Variants in MORN4 observed in about 807,000 individuals in gnomAD.
MORN4 encodes MORN repeat-containing protein 4.
MORN4 carries 8 observed loss-of-function variants against 16.4 expected under a neutral mutation model. The ratio of observed to expected loss-of-function variants is 0.49; its 90% CI spans 0.29 to 0.88. The LOEUF is 0.88. Among genes scored for constraint, MORN4 ranks in the 40% least tolerant of loss-of-function variants. The pLI is 0.09. For missense variants in MORN4, 159 were observed against 182.9 expected, an observed-to-expected ratio of 0.87 and a Z score of 0.75; for synonymous variants, 53 against 68.9, an observed-to-expected ratio of 0.77 and a Z score of 1.14.
At chr10:97,628,107 T>C (rs1474934531) in intron 1 of MORN4, among the ~76,000 whole-genome samples, 1 of 152,256 alleles carries the variant, frequency 6.6e-6, no homozygotes, top group Non-Finnish European at 1.5e-5. Flanking sequence ...CAGCTTATGG[T>C]TGAAGTTTCA....
Position 97,616,753 on chromosome 10 carries a change from C to A in MORN4, c.217G>T (p.Gly73Cys). The change falls in exon 4 of 5, where the codon GGC (glycine) becomes TGC (cysteine). Residue 73 changes from glycine (G) to cysteine (C), a missense_variant. Gly to Cys is a radical substitution (Grantham distance 159). Coordinates refer to ENST00000307450, the MANE Select transcript of MORN4 (RefSeq NM_178832.4). ...EGEFAQGKFN[G>C]VGVFIRYDNM... is the part of the protein sequence containing the mutation. Reference sequence around the variant, plus strand: ...TCATATCGAATGAAGACTCCGACGCCATTAAACTTGCCCTGGGCAAACTCC... The same window carrying A: ...TCATATCGAATGAAGACTCCGACGCAATTAAACTTGCCCTGGGCAAACTCC... The A allele has an allele frequency of 6.2e-7, 1 of 1,614,120 alleles. No individual in the cohort carries two copies. Among genetic ancestry groups the A allele is most frequent in the Non-Finnish European group, 8.5e-7 (1 of 1,179,992 alleles).
In MORN4 at chr10:97,629,836, G is replaced by T. The variant is rs183009203; in HGVS notation, c.-31+3511C>A. Among the ~76,000 whole-genome samples, 416 of 151,726 alleles carry T rather than the reference G, an allele frequency of 2.7e-3. 3 individuals are homozygous for T. Among genetic ancestry groups the T allele is most frequent in the African/African-American group, 9.7e-3 (402 of 41,350 alleles). ...TACAGTGGTGTGATCTCGGCTCACT[G>T]CAAGCTCCGCCTCCCGGGTTCAAGC... is the stretch of plus-strand genomic sequence containing the variant. On this transcript the variant is annotated intron_variant, in intron 1 of 4. Transcript: ENST00000307450.
At position 97,615,739 on chromosome 10, in the gene MORN4, A is replaced by G. The variant is rs2041231365; in HGVS notation, c.*524T>C. The G allele has an allele frequency of 6.6e-6, 1 of 151,084 alleles. No individual in the cohort carries two copies. The highest frequency in any genetic ancestry group is 1.5e-5 in the Non-Finnish European group (1 of 67,778). The allele number at this position is 151,084 out of a possible 1,614,324, so 9.4% of individuals were successfully genotyped here. A position where few individuals can be genotyped will look rare whatever the true frequency, so the allele number is the denominator to read the frequency against. ...CTCCATCTCAAAAATAAAAAATAAA[A>G]TAATAATAATAATAATAAAAAAATT... On this transcript the variant is annotated 3_prime_UTR_variant, in exon 5 of 5. Transcript: ENST00000307450.
chr10:97,621,862 C>CT (rs2041297633), intron 1 of MORN4, among the ~76,000 whole-genome samples: 1 of 149,934 alleles, frequency 6.7e-6, no homozygotes. Context: ...GAGGCTCTGT[C>CT]TAAAAAAAAA....
intron 1 of MORN4, among the ~76,000 whole-genome samples, chr10:97,626,092 AC>A (rs1180153291): frequency 6.8e-6 from 1 of 146,510 alleles, no homozygotes; most frequent in Non-Finnish European, 1.5e-5. Context: ...TTTAAAGAGA[AC>A]AAGCGGGCTG....
At chr10:97,624,418 T>G (rs2041330890) in intron 1 of MORN4, among the ~76,000 whole-genome samples, 1 of 152,136 alleles carries the variant, frequency 6.6e-6, no homozygotes, top group Non-Finnish European at 1.5e-5. Flanking sequence ...GTTGTTTATT[T>G]GTTTTGTTTT....
Position 97,616,394 on chromosome 10 carries a change from C to T in MORN4, c.310G>A (p.Asp104Asn), listed in dbSNP as rs376634101. The change falls in exon 5 of 5, where the codon GAT (aspartate) becomes AAT (asparagine). Residue 104 changes from aspartate (D) to asparagine (N), a missense_variant. Transcript: ENST00000307450. Reference sequence around the variant, plus strand: ...TTGCGGGGGATTCCATGAGAACCATCAGGGAAAGTCAGCAGGCCTTTGAGG... The same window carrying T: ...TTGCGGGGGATTCCATGAGAACCATTAGGGAAAGTCAGCAGGCCTTTGAGG... Reference protein sequence around the residue: ...VDGFGLLTFPDGSHGIPRNEG... With the variant: ...VDGFGLLTFPNGSHGIPRNEG... The T allele has an allele frequency of 1.4e-5, 23 of 1,605,158 alleles. No homozygotes were observed. In the African/African-American group the frequency reaches 2.0e-4, roughly 14 times the overall value.
chr10:97,626,545 T>A (rs866664748), intron 1 of MORN4, among the ~76,000 whole-genome samples: 12 of 149,986 alleles, frequency 8.0e-5, no homozygotes, highest in Non-Finnish European at 1.6e-4. Flanking sequence ...AACCTCCACC[T>A]CCCGAGTTCA....
At position 97,617,199 on chromosome 10, in the gene MORN4, C is replaced by T; in HGVS notation, c.182+9G>A. On this transcript the variant is annotated intron_variant, in intron 3 of 4. Transcript: ENST00000307450. ...TTTAAGGCTAAGAAAGGAATGACCT[C>T]ATACCCACCTTGAACCATCTGAGAA... 6.2e-7 allele frequency: 1 copy of T among 1,605,506 alleles called. No homozygotes were observed. Among genetic ancestry groups the T allele is most frequent in the Non-Finnish European group, 8.5e-7 (1 of 1,172,148 alleles).
rs764134880 is a variant in MORN4 at position 97,619,659 on chromosome 10, C to T, written c.-6G>A. On this transcript the variant is annotated 5_prime_UTR_variant, in exon 2 of 5. Coordinates refer to ENST00000307450, the MANE Select transcript of MORN4 (RefSeq NM_178832.4). ...GAACCTTTTGTCAGGGTCATGGTGACAGATTACAGGATAAAAGGATGAAAC... is the reference window on the plus strand; with the variant it reads ...GAACCTTTTGTCAGGGTCATGGTGATAGATTACAGGATAAAAGGATGAAAC... The T allele has an allele frequency of 9.9e-6, 16 of 1,613,688 alleles. No homozygotes were observed. In the African/African-American group the frequency reaches 2.0e-4, roughly 20 times the overall value.
At position 97,616,153 on chromosome 10, in the gene MORN4, C is replaced by T. The variant is rs1264730168; in HGVS notation, c.*110G>A. The T allele has an allele frequency of 1.7e-6, 2 of 1,183,356 alleles. No homozygotes were observed. Among genetic ancestry groups the T allele is most frequent in the Non-Finnish European group, 2.3e-6 (2 of 866,964 alleles). The allele number at this position is 1,183,356 out of a possible 1,614,324, so 73.3% of individuals were successfully genotyped here. A position where few individuals can be genotyped will look rare whatever the true frequency, so the allele number is the denominator to read the frequency against. ...TGACAGGGCACATACAAGGCCTCTG[C>T]TCCACTGTCATTGTCAACTCATCTC... On this transcript the variant is annotated 3_prime_UTR_variant, in exon 5 of 5. Coordinates refer to ENST00000307450, the MANE Select transcript of MORN4 (RefSeq NM_178832.4).
intron 1 of MORN4, among the ~76,000 whole-genome samples, chr10:97,627,395 C>T (rs10882969): frequency 0.18 from 27,319 of 151,740 alleles, 2,581 homozygotes; most frequent in Non-Finnish European, 0.21. Flanking sequence ...CTGCCCACCT[C>T]GGCCTCCCAA....
intron 1 of MORN4, among the ~76,000 whole-genome samples, chr10:97,621,499 T>C (rs1004903258): frequency 2.0e-5 from 3 of 152,178 alleles, no homozygotes; most frequent in African/African-American, 7.2e-5. Flanking sequence ...AAGGGAAATA[T>C]GATAATGAAG....
Position 97,615,385 on chromosome 10 carries a change from G to A in MORN4, c.*878C>T, listed in dbSNP as rs949075497. 2.0e-5 allele frequency: 3 copies of A among 152,146 alleles called. No individual in the cohort carries two copies. The highest frequency in any genetic ancestry group is 1.3e-4 in the Admixed American group (2 of 15,262). 9.4% of individuals were successfully genotyped at this position (152,146 alleles called of 1,614,324 possible). A position where few individuals can be genotyped will look rare whatever the true frequency, so the allele number is the denominator to read the frequency against. ...TCACTTGAGCCCAGGATTTTGAGAT[G>A]AGCCTGAGCCACATAGCAAGACCCT... On this transcript the variant is annotated 3_prime_UTR_variant, in exon 5 of 5. Coordinates refer to ENST00000307450, the MANE Select transcript of MORN4 (RefSeq NM_178832.4).
At chr10:97,634,075 C>T (rs2041420723), upstream of MORN4, among the ~76,000 whole-genome samples, 1 of 152,008 alleles carries the variant, frequency 6.6e-6, no homozygotes, top group African/African-American at 2.4e-5. Context: ...CTCAGGAGTG[C>T]GGGAGGCTTG....
chr10:97,626,398 CATAAT>C (rs2041347398), intron 1 of MORN4, among the ~76,000 whole-genome samples: 2 of 14,812 alleles, frequency 1.4e-4, no homozygotes, highest in Non-Finnish European at 2.6e-4. Context: ...TAATAATAAT[CATAAT>C]CATAATCATA....
At chr10:97,620,522 A>C (rs1359374648) in intron 1 of MORN4, among the ~76,000 whole-genome samples, 1 of 147,614 alleles carries the variant, frequency 6.8e-6, no homozygotes, top group Non-Finnish European at 1.5e-5. Context: ...AAAAAAAGAA[A>C]ATATGGGGAA....
At chr10:97,619,457 G>T in intron 2 of MORN4, 130 bp downstream of exon 2, 1 of 738,244 alleles carries the variant, frequency 1.4e-6, no homozygotes, top group Admixed American at 1.8e-5. Context: ...TAAAGGAATG[G>T]CAGGCACTAT....
At chr10:97,632,212 C>CTTTTTTTTTTTT (rs1162979185) in intron 1 of MORN4, among the ~76,000 whole-genome samples, 1 of 86,974 alleles carries the variant, frequency 1.1e-5, no homozygotes, top group African/African-American at 5.0e-5. Flanking sequence ...TAATACTCCC[C>CTTTTTTTTTTTT]TTTTTTTTTT....
Sources: gnomAD v4.1 joint callset for allele counts (sites outside exome capture counted in the v4.1 genomes callset) on GRCh38, gnomAD v4.1.1 for gene constraint, MANE v1.5 for transcripts, NCBI Gene and HGNC (gene_info 2026-07-23, HGNC 2026-07-21) for gene names.